The following SH3D21 variants were observed in gnomAD, a reference collection of about 807,000 sequenced individuals.
SH3D21 encodes the protein manchette microtubule inner protein 1, also known as SH3 domain-containing protein 21.
Under a neutral mutation model 82.1 loss-of-function variants are expected in SH3D21, and 83 were observed. That is an observed-to-expected ratio of 1.01 (90% CI 0.85 to 1.21). The LOEUF is 1.21. SH3D21 is among the 50% of genes most tolerant of loss of function. SH3D21 has a pLI of 0.00. For missense variants in SH3D21, 980 were observed against 962.1 expected (o/e 1.02, Z -0.25); for synonymous variants, 383 against 387.8 (o/e 0.99, Z 0.15).
downstream of SH3D21, chr1:36,328,032 A>G (rs1033799708): frequency 4.0e-6 from 2 of 496,624 alleles, no homozygotes; most frequent in African/African-American, 2.0e-5. Context: ...CTCGCTGCCT[A>G]TCTGCCCAGG....
At chr1:36,308,527 A>G in intron 9 of SH3D21, 52 bp downstream of exon 9, 5 of 1,489,414 alleles carry the variant, frequency 3.4e-6, no homozygotes. Context: ...ATTTTGGACA[A>G]AGGTGGGGAT....
chr1:36,307,047 C>CA lies in SH3D21; in HGVS notation c.227-118dup. 2 of 1,471,092 alleles carry CA rather than the reference C, an allele frequency of 1.4e-6. No individual in the cohort carries two copies. 91.1% of individuals were successfully genotyped at this position (1,471,092 alleles called of 1,614,324 possible). ...GCGGTCTGTGATTGGTTCTCGAGTG[C>CA]AATGCTCCGCCCTGGGGCGGGGCTG... On this transcript the variant is annotated intron_variant, in intron 3 of 15. Coordinates refer to ENST00000453908, the MANE Select transcript of SH3D21 (RefSeq NM_001162530.2). This position sits in a 1 kb window ranked among gnomAD's most constrained non-coding sequence, Gnocchi z 5.4.
chr1:36,321,248 G>T lies in SH3D21; in HGVS notation c.*121G>T, dbSNP rs1557488495. The T allele has an allele frequency of 6.8e-7, 1 of 1,476,220 alleles. No homozygotes were observed. The highest frequency in any genetic ancestry group is 9.0e-7 in the Non-Finnish European group (1 of 1,115,342). 91.4% of individuals were successfully genotyped at this position (1,476,220 alleles called of 1,614,324 possible). ...AGCACGGCGCCACGCCGGTCTGGTC[G>T]CTGGGGGCGGGGCCTGCGCGGGGGC... On this transcript the variant is annotated 3_prime_UTR_variant, in exon 16 of 16. Transcript: ENST00000453908. The surrounding 1 kb of genome is among the most constrained non-coding windows in gnomAD (Gnocchi z 6.1).
At chr1:36,318,413 T>C (rs183132148) in intron 10 of SH3D21, among the ~76,000 whole-genome samples, 680 of 152,152 alleles carry the variant, frequency 4.5e-3, no homozygotes, top group Non-Finnish European at 7.0e-3. Context: ...GACTTATTGA[T>C]GAAAATTAAA....
intron 10 of SH3D21, among the ~76,000 whole-genome samples, chr1:36,313,327 C>CAGTAAATAAATA (rs1553129278): frequency 7.0e-6 from 1 of 142,514 alleles, no homozygotes; most frequent in Non-Finnish European, 1.5e-5. Flanking sequence ...CTCTGTCTCA[C>CAGTAAATAAATA]AATAAATAAA....
chr1:36,322,776 G>T, downstream of SH3D21: 2 of 1,523,388 alleles, frequency 1.3e-6, no homozygotes, highest in Non-Finnish European at 8.9e-7. Flanking sequence ...GGTGGGGGTT[G>T]TCCCACTTCC....
intron 10 of SH3D21, among the ~76,000 whole-genome samples, chr1:36,318,391 T>C (rs1241801153): frequency 6.6e-6 from 1 of 152,004 alleles, no homozygotes; most frequent in Non-Finnish European, 1.5e-5. Flanking sequence ...AGATGAAAAT[T>C]TGGGAGTCAT....
chr1:36,309,525 A>G (rs370885139), intron 9 of SH3D21, 23 bp from the exon 10 acceptor site: 37 of 1,550,548 alleles, frequency 2.4e-5, no homozygotes, highest in African/African-American at 2.2e-4. Flanking sequence ...AGGATGCTCA[A>G]CCTTTACTTC....
At chr1:36,323,323 C>T (rs1415267348), downstream of SH3D21, 3 of 399,970 alleles carry the variant, frequency 7.5e-6, no homozygotes, top group Non-Finnish European at 1.3e-5. Flanking sequence ...AGGCCCGGTT[C>T]CGCCGTCCCG....
Position 36,307,585 on chromosome 1 carries a change from AT to A in SH3D21, c.416del (p.Leu139CysfsTer27). ...GAGCCTTCCCATCCAACTTTGTGGA[AT>A]TGCTGGACAGTGGGCCCCCAAGTGA... The part of the protein sequence containing the change: ...LGAFPSNFVE[L>X]LDSGPPSLGN... On this transcript the variant is annotated frameshift_variant, in exon 5 of 16. Transcript: ENST00000453908. LOFTEE classifies it high-confidence loss of function. The surrounding 1 kb of genome is among the most constrained non-coding windows in gnomAD (Gnocchi z 5.4). The A allele has an allele frequency of 6.4e-7, 1 of 1,551,598 alleles. No individual in the cohort carries two copies. The highest frequency in any genetic ancestry group is 8.7e-7 in the Non-Finnish European group (1 of 1,146,942).
Position 36,306,404 on chromosome 1 carries a change from A to T in SH3D21, c.-17A>T. 7.7e-7 allele frequency: 1 copy of T among 1,305,250 alleles called. No homozygotes were observed. The highest frequency in any genetic ancestry group is 2.3e-5 in the Admixed American group (1 of 43,556). 80.9% of individuals were successfully genotyped at this position (1,305,250 alleles called of 1,614,324 possible). ...GTCAGAGGGAGCTGCCAGGCTCTGG[A>T]GGGCGCCCCGGAAACCATGGGTAAG... On this transcript the variant is annotated 5_prime_UTR_variant, in exon 1 of 16. Coordinates refer to ENST00000453908, the MANE Select transcript of SH3D21 (RefSeq NM_001162530.2). This position sits in a 1 kb window ranked among gnomAD's most constrained non-coding sequence, Gnocchi z 4.5.
intron 9 of SH3D21, 61 bp downstream of exon 9, chr1:36,308,536 A>T: frequency 1.4e-6 from 2 of 1,410,220 alleles, no homozygotes; most frequent in Non-Finnish European, 2.0e-6. Flanking sequence ...AAAGGTGGGG[A>T]TCATGGGCAC....
intron 8 of SH3D21, 77 bp from the exon 9 acceptor site, chr1:36,308,312 C>A: frequency 6.7e-7 from 1 of 1,486,250 alleles, no homozygotes; most frequent in Non-Finnish European, 9.2e-7. Flanking sequence ...GAAATTATAT[C>A]CATAAGAAGG....
rs1646136966 is a variant in SH3D21 at position 36,306,958 on chromosome 1, C to T, written c.226+53C>T. 6 of 1,335,844 alleles carry T rather than the reference C, an allele frequency of 4.5e-6. No homozygotes were observed. Among genetic ancestry groups the T allele is most frequent in the Middle Eastern group, 3.0e-4 (1 of 3,346 alleles). 82.7% of individuals were successfully genotyped at this position (1,335,844 alleles called of 1,614,324 possible). A position where few individuals can be genotyped will look rare whatever the true frequency, so the allele number is the denominator to read the frequency against. On this transcript the variant is annotated intron_variant, in intron 3 of 15. Transcript: ENST00000453908. This position sits in a 1 kb window ranked among gnomAD's most constrained non-coding sequence, Gnocchi z 4.5. ...GGTGGGCGGGTGCACGGAGCCAGTG[C>T]GACCCCGGCGTCTCCGGCTCTTAGT...
chr1:36,317,843 T>G (rs1646370612), intron 10 of SH3D21, among the ~76,000 whole-genome samples: 1 of 152,216 alleles, frequency 6.6e-6, no homozygotes, highest in Non-Finnish European at 1.5e-5. Context: ...GGATTACAGG[T>G]GTGGGCCACC....
At chr1:36,323,243 C>T (rs1469661929), downstream of SH3D21, among the ~76,000 whole-genome samples, 1 of 152,158 alleles carries the variant, frequency 6.6e-6, no homozygotes, top group Non-Finnish European at 1.5e-5. Flanking sequence ...CGGGCGCGGA[C>T]GCCCCTCCAG....
At chr1:36,321,453 G>A, downstream of SH3D21, 1 of 1,098,956 alleles carries the variant, frequency 9.1e-7, no homozygotes. The surrounding 1 kb of genome is among the most constrained non-coding windows in gnomAD (Gnocchi z 6.1). Context: ...GGCAGGAGGG[G>A]CCCAGGCGGG....
chr1:36,311,627 C>G (rs1459836197), intron 10 of SH3D21, among the ~76,000 whole-genome samples: 1 of 151,988 alleles, frequency 6.6e-6, no homozygotes. Flanking sequence ...ACCTTTTTCC[C>G]TATGGACAAT....
At chr1:36,327,149 C>T (rs1646553526), downstream of SH3D21, among the ~76,000 whole-genome samples, 1 of 151,144 alleles carries the variant, frequency 6.6e-6, no homozygotes, top group African/African-American at 2.4e-5. Context: ...ATGTGATCAG[C>T]CATGTGTGAT....
Sources: allele counts gnomAD v4.1 joint callset (sites outside exome capture counted in the v4.1 genomes callset), GRCh38; gene constraint gnomAD v4.1.1; non-coding constraint Gnocchi (gnomAD v3.1); transcripts MANE v1.5; gene names NCBI Gene and HGNC (gene_info 2026-07-23, HGNC 2026-07-21).